WDR7: variants seen among roughly 807,000 people sequenced by gnomAD.
WDR7 encodes the protein WD repeat-containing protein 7.
A neutral mutation model predicts 169.4 loss-of-function variants in WDR7; 46 were observed. That is an observed-to-expected ratio of 0.27 (90% CI 0.21 to 0.35). The LOEUF (loss-of-function observed/expected upper bound fraction) is 0.35, where lower values mean the gene tolerates loss of function less well. Among genes scored for constraint, WDR7 ranks in the 10% least tolerant of loss-of-function variants. WDR7 has a pLI of 1.00. For missense variants in WDR7, 1,534 were observed against 1,859.3 expected (o/e 0.83, Z 3.22); for synonymous variants, 612 against 666.8 (o/e 0.92, Z 1.27).
chr18:56,926,534 A>G (rs577115471), intron 22 of WDR7, among the ~76,000 whole-genome samples: 4 of 152,276 alleles, frequency 2.6e-5, no homozygotes, highest in African/African-American at 7.2e-5. Flanking sequence ...TTTTGTTTTT[A>G]AAGAAATTTA....
chr18:56,968,429 A>G (rs943940560), intron 26 of WDR7, among the ~76,000 whole-genome samples: 1 of 152,220 alleles, frequency 6.6e-6, no homozygotes, highest in Non-Finnish European at 1.5e-5. Context: ...TTTCAGAATC[A>G]TGTCATCAAA....
intron 16 of WDR7, among the ~76,000 whole-genome samples, chr18:56,759,307 T>G (rs1455580152): frequency 1.3e-5 from 2 of 152,188 alleles, no homozygotes; most frequent in Non-Finnish European, 2.9e-5. Flanking sequence ...AGTTCATAGT[T>G]CCATACTACA....
intron 14 of WDR7, among the ~76,000 whole-genome samples, chr18:56,745,791 G>T (rs1002257448): frequency 1.3e-5 from 2 of 152,134 alleles, no homozygotes; most frequent in African/African-American, 4.8e-5. Flanking sequence ...ATGAGCAAAA[G>T]TAACCTTAGT....
chr18:56,663,264 A>G (rs1234144597), intron 1 of WDR7, among the ~76,000 whole-genome samples: 1 of 152,218 alleles, frequency 6.6e-6, no homozygotes, highest in Non-Finnish European at 1.5e-5. Flanking sequence ...GGGAGGACAT[A>G]CCATTCAGTC....
At chr18:56,782,625 C>T (rs1877942807) in intron 19 of WDR7, among the ~76,000 whole-genome samples, 1 of 152,166 alleles carries the variant, frequency 6.6e-6, no homozygotes, top group Non-Finnish European at 1.5e-5. Context: ...TAGGTGGACT[C>T]ATTTTAAATG....
intron 19 of WDR7, among the ~76,000 whole-genome samples, chr18:56,795,914 A>C (rs9948078): frequency 0.026 from 4,017 of 152,286 alleles, 71 homozygotes; most frequent in African/African-American, 0.051. Flanking sequence ...GTTTCATTTT[A>C]GTTGCACAAT....
At chr18:56,974,283 A>G (rs1247040105) in intron 26 of WDR7, among the ~76,000 whole-genome samples, 1 of 151,640 alleles carries the variant, frequency 6.6e-6, no homozygotes, top group East Asian at 1.9e-4. Context: ...CACAACTAGC[A>G]TTAGCACATC....
At chr18:56,680,203 C>G (rs1222356073) in intron 3 of WDR7, among the ~76,000 whole-genome samples, 1 of 151,938 alleles carries the variant, frequency 6.6e-6, no homozygotes, top group African/African-American at 2.4e-5. Flanking sequence ...CAAAAAAATG[C>G]AAAAACTAGC....
intron 21 of WDR7, among the ~76,000 whole-genome samples, chr18:56,901,815 T>C (rs2046406219): frequency 6.6e-6 from 1 of 152,054 alleles, no homozygotes; most frequent in Non-Finnish European, 1.5e-5. Flanking sequence ...CCTAGTTGCA[T>C]TGTATGTTGT....
intron 12 of WDR7, among the ~76,000 whole-genome samples, chr18:56,710,514 G>A (rs2026064304): frequency 6.6e-6 from 1 of 151,966 alleles, no homozygotes; most frequent in Admixed American, 6.6e-5. Flanking sequence ...TCTACCTTGG[G>A]TATTTAATTG....
intron 25 of WDR7, among the ~76,000 whole-genome samples, chr18:56,941,960 G>A (rs1420159926): frequency 2.0e-5 from 3 of 152,194 alleles, no homozygotes; most frequent in African/African-American, 4.8e-5. Flanking sequence ...AGCCATCCAT[G>A]ATCCTGAACT....
Position 56,781,537 on chromosome 18 carries a change from GA to G in WDR7, c.3072del (p.Glu1025LysfsTer11). The G allele has an allele frequency of 6.2e-7, 1 of 1,604,286 alleles. No homozygotes were observed. The highest frequency in any genetic ancestry group is 8.5e-7 in the Non-Finnish European group (1 of 1,175,092). On this transcript the variant is annotated frameshift_variant, in exon 19 of 28. Coordinates refer to ENST00000254442, the MANE Select transcript of WDR7 (RefSeq NM_015285.3). LOFTEE classifies it high-confidence loss of function. ...RRWQDRCLEV[R>X]EAAQALLLAE... ...CATTTGGGTCTGTGGTCTTAGGTGA[GA>G]GAAGCCGCGCAGGCCCTGCTTCTGG...
chr18:56,935,848 C>G lies in WDR7; in HGVS notation c.3774C>G (p.Ala1258=), dbSNP rs759341837. 2 of 1,614,016 alleles carry G rather than the reference C, an allele frequency of 1.2e-6. No homozygotes were observed. The highest frequency in any genetic ancestry group is 1.3e-5 in the African/African-American group (1 of 74,896). Residue 1258 remains alanine (A), a synonymous_variant, in exon 23 of 28, where the codon GCC becomes GCG. Coordinates refer to ENST00000254442, the MANE Select transcript of WDR7 (RefSeq NM_015285.3). Reference sequence around the variant, plus strand: ...ACTCGGCCCGCTCTGCGAGGCATGCCCTCTCGCTCATTGCCACCGCCAGAC... The same window carrying G: ...ACTCGGCCCGCTCTGCGAGGCATGCGCTCTCGCTCATTGCCACCGCCAGAC... ...AADSARSARH[A]LSLIATARPP... is the part of the protein sequence containing the mutation.
intron 21 of WDR7, among the ~76,000 whole-genome samples, chr18:56,898,674 A>C (rs928463576): frequency 6.6e-6 from 1 of 152,112 alleles, no homozygotes; most frequent in African/African-American, 2.4e-5. Flanking sequence ...TTATTCACCA[A>C]AAATGTCAGA....
intron 26 of WDR7, among the ~76,000 whole-genome samples, chr18:56,975,572 A>C (rs1237184756): frequency 6.6e-6 from 1 of 152,154 alleles, no homozygotes; most frequent in Middle Eastern, 3.2e-3. Flanking sequence ...TGCAGAGATG[A>C]AGAAGGTGGC....
chr18:56,881,578 T>C (rs1361439369), intron 21 of WDR7, among the ~76,000 whole-genome samples: 1 of 152,188 alleles, frequency 6.6e-6, no homozygotes, highest in Non-Finnish European at 1.5e-5. Context: ...GCTTAATGAC[T>C]AATATGTGCT....
chr18:56,957,359 C>T (rs897373551), intron 25 of WDR7: 5 of 151,570 alleles, frequency 3.3e-5, no homozygotes, highest in East Asian at 1.9e-4. Flanking sequence ...AAAGAGGAGG[C>T]GCAGCATCCT....
At chr18:57,025,365 C>G (rs2048353131) in intron 27 of WDR7, among the ~76,000 whole-genome samples, 1 of 152,048 alleles carries the variant, frequency 6.6e-6, no homozygotes, top group African/African-American at 2.4e-5. Flanking sequence ...TCAAATTAAG[C>G]TCATCATCAT....
At chr18:57,022,725 G>A (rs913385070) in intron 27 of WDR7, among the ~76,000 whole-genome samples, 1 of 152,152 alleles carries the variant, frequency 6.6e-6, no homozygotes, top group Admixed American at 6.5e-5. Context: ...TTACTGCCCA[G>A]GTCACTGATG....
Sources: allele counts gnomAD v4.1 joint callset (sites outside exome capture counted in the v4.1 genomes callset), GRCh38; gene constraint gnomAD v4.1.1; transcripts MANE v1.5; gene names NCBI Gene and HGNC (gene_info 2026-07-23, HGNC 2026-07-21).